The following FAM227B variants were observed in gnomAD, a reference collection of about 807,000 sequenced individuals.
FAM227B encodes protein FAM227B.
FAM227B carries 88 observed loss-of-function variants against 73.8 expected under a neutral mutation model. That is an observed-to-expected ratio of 1.19 (90% CI 1.00 to 1.42). The LOEUF (loss-of-function observed/expected upper bound fraction) is 1.42. Ranked by LOEUF, FAM227B falls within the 40% of genes most tolerant of loss-of-function variation. FAM227B has a pLI of 0.00. For synonymous variants in FAM227B, 210 were observed against 190.5 expected (o/e 1.10, Z -0.84); for missense variants, 632 against 590.9 (o/e 1.07, Z -0.72).
chr15:49,536,741 C>G (rs1211499459), intron 10 of FAM227B, among the ~76,000 whole-genome samples: 1 of 151,888 alleles, frequency 6.6e-6, no homozygotes, highest in African/African-American at 2.4e-5. Context: ...GTATAGAATA[C>G]AGGGCCCAGA....
intron 9 of FAM227B, among the ~76,000 whole-genome samples, chr15:49,547,905 A>C (rs908013181): frequency 1.3e-5 from 2 of 152,246 alleles, no homozygotes; most frequent in Admixed American, 6.5e-5. Context: ...TGACGACACC[A>C]AACAGGTCAT....
At chr15:49,520,620 T>C (rs924971893) in intron 10 of FAM227B, among the ~76,000 whole-genome samples, 2 of 152,156 alleles carry the variant, frequency 1.3e-5, no homozygotes, top group Non-Finnish European at 2.9e-5. Context: ...ACATCTTACA[T>C]GGTGGCTGGC....
intron 12 of FAM227B, among the ~76,000 whole-genome samples, chr15:49,370,869 A>G (rs1326208518): frequency 6.6e-6 from 1 of 152,188 alleles, no homozygotes; most frequent in Non-Finnish European, 1.5e-5. Context: ...AAGACTCAAG[A>G]GTAACAGTAT....
intron 11 of FAM227B, among the ~76,000 whole-genome samples, chr15:49,459,308 G>C (rs924953173): frequency 6.6e-6 from 1 of 152,106 alleles, no homozygotes; most frequent in Non-Finnish European, 1.5e-5. Context: ...GCTTTCTAGG[G>C]GAGCAGCACA....
chr15:49,402,409 G>C (rs1314049815), intron 11 of FAM227B, among the ~76,000 whole-genome samples: 4 of 152,202 alleles, frequency 2.6e-5, no homozygotes, highest in Admixed American at 2.6e-4. Context: ...GTCTATCCAT[G>C]AGCATGGAAG....
At chr15:49,442,788 C>CTG (rs2051793385) in intron 11 of FAM227B, among the ~76,000 whole-genome samples, 1 of 151,720 alleles carries the variant, frequency 6.6e-6, no homozygotes, top group African/African-American at 2.4e-5. Flanking sequence ...TACCCAACCA[C>CTG]TGGCTTTTCT....
At chr15:49,331,910 A>C in intron 14 of FAM227B, 61 bp from the exon 15 acceptor site, 2 of 928,238 alleles carry the variant, frequency 2.2e-6, no homozygotes, top group South Asian at 2.7e-5. Context: ...GACACCATCT[A>C]AATAGCCAAC....
At chr15:49,538,616 TTTCCTA>T (rs1370841246) in intron 10 of FAM227B, among the ~76,000 whole-genome samples, 5 of 152,254 alleles carry the variant, frequency 3.3e-5, no homozygotes, top group South Asian at 4.1e-4. Flanking sequence ...CTTTTAATGG[TTTCCTA>T]TAAACCCTGT....
At chr15:49,480,063 C>T (rs2055786150) in intron 11 of FAM227B, among the ~76,000 whole-genome samples, 1 of 152,124 alleles carries the variant, frequency 6.6e-6, no homozygotes, top group Non-Finnish European at 1.5e-5. Flanking sequence ...ACAAAATAGA[C>T]TAGAAAATAG....
At chr15:49,395,944 C>A (rs1008573516) in intron 11 of FAM227B, 1 of 455,824 alleles carries the variant, frequency 2.2e-6, no homozygotes, top group African/African-American at 2.0e-5. Context: ...GTCCAAAGAA[C>A]AGAGGAGAAC....
intron 11 of FAM227B, among the ~76,000 whole-genome samples, chr15:49,426,833 T>C (rs944779645): frequency 2.6e-5 from 4 of 151,956 alleles, no homozygotes; most frequent in African/African-American, 9.7e-5. Flanking sequence ...CTATAAACTT[T>C]TTAATAGGCT....
Position 49,568,257 on chromosome 15 carries a change from A to T in FAM227B, c.735T>A (p.Asp245Glu). Residue 245 changes from aspartate (D) to glutamate (E), a missense_variant, in exon 9 of 16, where the codon GAT (aspartate) becomes GAA (glutamate). Coordinates refer to ENST00000299338, the MANE Select transcript of FAM227B (RefSeq NM_152647.3). Reference protein sequence around the residue: ...LFMSIPLSRKDAFFQIYPDCL... With the variant: ...LFMSIPLSRKEAFFQIYPDCL... ...TTTCAATGCTTACCTGAAAAAATGCATCCTTTCGACTTAGAGGTATGCTCA... is the reference window on the plus strand; with the variant it reads ...TTTCAATGCTTACCTGAAAAAATGCTTCCTTTCGACTTAGAGGTATGCTCA... 1 of 1,606,184 alleles carries T rather than the reference A, an allele frequency of 6.2e-7. No homozygotes were observed. The highest frequency in any genetic ancestry group is 8.5e-7 in the Non-Finnish European group (1 of 1,176,964).
chr15:49,361,609 G>C (rs1459096165), intron 13 of FAM227B, among the ~76,000 whole-genome samples: 1 of 152,116 alleles, frequency 6.6e-6, no homozygotes, highest in African/African-American at 2.4e-5. Flanking sequence ...AGTATTCCCT[G>C]GTGTATATGT....
chr15:49,517,419 A>G (rs566825180), intron 10 of FAM227B, among the ~76,000 whole-genome samples: 1 of 152,214 alleles, frequency 6.6e-6, no homozygotes, highest in African/African-American at 2.4e-5. Context: ...AATATGTTTT[A>G]TAAAATTCTT....
intron 5 of FAM227B, among the ~76,000 whole-genome samples, chr15:49,578,565 C>T (rs952938069): frequency 1.2e-4 from 18 of 151,986 alleles, no homozygotes; most frequent in Non-Finnish European, 1.8e-4. Context: ...ACACACAATA[C>T]CACACATACA....
At chr15:49,421,498 T>C (rs1052395233) in intron 11 of FAM227B, among the ~76,000 whole-genome samples, 1 of 152,232 alleles carries the variant, frequency 6.6e-6, no homozygotes, top group Non-Finnish European at 1.5e-5. Flanking sequence ...ATTTTACAGT[T>C]AATCCTATGT....
intron 3 of FAM227B, among the ~76,000 whole-genome samples, chr15:49,592,466 A>G (rs2076638448): frequency 6.6e-6 from 1 of 152,246 alleles, no homozygotes; most frequent in South Asian, 2.1e-4. Flanking sequence ...GGTCCACTCC[A>G]GACCCTGTTT....
chr15:49,344,873 A>G (rs2041243102), intron 13 of FAM227B, among the ~76,000 whole-genome samples: 1 of 152,172 alleles, frequency 6.6e-6, no homozygotes, highest in Non-Finnish European at 1.5e-5. Context: ...ACATCAAGTG[A>G]CTGAACATCT....
chr15:49,469,025 G>C (rs1039809458), intron 11 of FAM227B, among the ~76,000 whole-genome samples: 1 of 152,130 alleles, frequency 6.6e-6, no homozygotes, highest in African/African-American at 2.4e-5. Context: ...CATGTTTTAT[G>C]TATATGTATA....
Sources: allele counts gnomAD v4.1 joint callset (sites outside exome capture counted in the v4.1 genomes callset), GRCh38; gene constraint gnomAD v4.1.1; transcripts MANE v1.5; gene names NCBI Gene and HGNC (gene_info 2026-07-23, HGNC 2026-07-21).